The following FBXO15 variants were observed in gnomAD, a reference collection of about 807,000 sequenced individuals.
The protein encoded by FBXO15 is F-box only protein 15.
In FBXO15, 30 loss-of-function variants were observed where a neutral mutation model predicts 49.5. That is an observed-to-expected ratio of 0.61 (90% CI 0.45 to 0.82). FBXO15 has a LOEUF of 0.82. Among genes scored for constraint, FBXO15 ranks in the 40% least tolerant of loss-of-function variants. FBXO15 has a pLI of 0.00. For synonymous variants in FBXO15, 250 were observed against 232.7 expected (o/e 1.07, Z -0.68); for missense variants, 591 against 631.5 (o/e 0.94, Z 0.69).
intron 5 of FBXO15, among the ~76,000 whole-genome samples, chr18:74,126,385 G>C (rs114838156): frequency 0.016 from 2,505 of 152,262 alleles, 62 homozygotes; most frequent in African/African-American, 0.056. Flanking sequence ...GTGATGAAGT[G>C]GCAGCATTGT....
intron 8 of FBXO15, among the ~76,000 whole-genome samples, chr18:74,119,690 C>T (rs575073596): frequency 6.6e-6 from 1 of 152,230 alleles, no homozygotes; most frequent in East Asian, 1.9e-4. Flanking sequence ...CACAGAAAGC[C>T]TGATACAGTC....
intron 2 of FBXO15, among the ~76,000 whole-genome samples, chr18:74,139,330 G>A (rs1978920255): frequency 6.6e-6 from 1 of 152,202 alleles, no homozygotes; most frequent in Admixed American, 6.5e-5. Flanking sequence ...CTGCTACAGA[G>A]TAGGTCCTCA....
intron 8 of FBXO15, among the ~76,000 whole-genome samples, chr18:74,118,061 C>A (rs1380948750): frequency 6.6e-6 from 1 of 150,448 alleles, no homozygotes; most frequent in East Asian, 2.0e-4. Flanking sequence ...GGCTGGAGTG[C>A]AGGGTCACAA....
chr18:74,130,480 C>G lies in FBXO15; in HGVS notation c.511G>C (p.Ala171Pro), dbSNP rs747899337. The change falls in exon 4 of 10, where the codon GCT becomes CCT. Residue 171 changes from alanine (A) to proline (P), a missense_variant. Physicochemically the swap from Ala to Pro is conservative, Grantham distance 27. Coordinates refer to ENST00000419743, the MANE Select transcript of FBXO15 (RefSeq NM_001142958.2). The part of the protein sequence containing the change: ...KQIASVKAAL[A>P]DILKPVNPYT... ...GGGTTGACAGGTTTGAGAATGTCAG[C>G]TAGTGCGGCTTTTACAGATGCTATT... 6.2e-7 allele frequency: 1 copy of G among 1,614,180 alleles called. No homozygotes were observed. Among genetic ancestry groups the G allele is most frequent in the East Asian group, 2.2e-5 (1 of 44,886 alleles).
At chr18:74,145,717 C>T (rs1419979402) in intron 1 of FBXO15, among the ~76,000 whole-genome samples, 3 of 151,630 alleles carry the variant, frequency 2.0e-5, no homozygotes, top group Admixed American at 2.0e-4. Flanking sequence ...CCTGCCTCAG[C>T]CTCCTGAGTA....
intron 8 of FBXO15, among the ~76,000 whole-genome samples, chr18:74,109,893 G>A (rs1913933083): frequency 1.3e-5 from 2 of 151,992 alleles, no homozygotes; most frequent in Non-Finnish European, 2.9e-5. Flanking sequence ...ACGAGTTGAT[G>A]AGTGCAGCAA....
chr18:74,113,333 G>C (rs1008793780), intron 8 of FBXO15, among the ~76,000 whole-genome samples: 85 of 152,244 alleles, frequency 5.6e-4, no homozygotes, highest in African/African-American at 2.0e-3. Context: ...AGGATTTTTA[G>C]GGTAGTGAAA....
chr18:74,123,597 A>C, intron 7 of FBXO15, 87 bp from the exon 8 acceptor site: 1 of 1,408,518 alleles, frequency 7.1e-7, no homozygotes, highest in Middle Eastern at 1.9e-4. Context: ...AAAAATTACC[A>C]TCTGTATCAA....
chr18:74,140,400 T>C (rs1421033217), intron 1 of FBXO15, 88 bp from the exon 2 acceptor site: 56 of 1,188,796 alleles, frequency 4.7e-5, no homozygotes, highest in Non-Finnish European at 6.4e-5. Flanking sequence ...AAAGGATTCA[T>C]AAACTCCAAA....
At chr18:74,096,541 A>C (rs1375710193) in intron 8 of FBXO15, among the ~76,000 whole-genome samples, 1 of 152,008 alleles carries the variant, frequency 6.6e-6, no homozygotes, top group African/African-American at 2.4e-5. Context: ...AACAAAAGCC[A>C]GACAGAGAAG....
intron 1 of FBXO15, among the ~76,000 whole-genome samples, chr18:74,144,573 A>G (rs1157440688): frequency 1.3e-5 from 2 of 152,218 alleles, no homozygotes; most frequent in Non-Finnish European, 1.5e-5. Context: ...CTGGGGGTAC[A>G]GTCTGCAGCA....
intron 9 of FBXO15, among the ~76,000 whole-genome samples, chr18:74,081,296 C>A (rs140275823): frequency 3.3e-5 from 5 of 152,288 alleles, no homozygotes; most frequent in African/African-American, 2.4e-5. Context: ...CAATGAAAAT[C>A]TTGTTCATCC....
At chr18:74,127,527 A>G (rs997717027) in intron 5 of FBXO15, among the ~76,000 whole-genome samples, 3 of 152,262 alleles carry the variant, frequency 2.0e-5, no homozygotes, top group South Asian at 2.1e-4. Flanking sequence ...AAAAGACCCA[A>G]ATAAAAATCA....
At chr18:74,107,626 C>T (rs539655286) in intron 8 of FBXO15, among the ~76,000 whole-genome samples, 1 of 152,262 alleles carries the variant, frequency 6.6e-6, no homozygotes, top group East Asian at 1.9e-4. Context: ...AAATGATAAG[C>T]TGCTAGAGAC....
intron 4 of FBXO15, 129 bp downstream of exon 4, chr18:74,130,287 T>C (rs992152314): frequency 1.9e-5 from 24 of 1,288,024 alleles, no homozygotes; most frequent in Non-Finnish European, 2.6e-5. Flanking sequence ...AAATGATACA[T>C]ATTTTATAGA....
chr18:74,087,429 C>T (rs753059891), intron 8 of FBXO15, among the ~76,000 whole-genome samples: 1 of 152,058 alleles, frequency 6.6e-6, no homozygotes, highest in Non-Finnish European at 1.5e-5. Context: ...TCTGTTGTTC[C>T]CTTCTTTGTG....
At chr18:74,140,654 C>G (rs187905362) in intron 1 of FBXO15, 116 of 233,722 alleles carry the variant, frequency 5.0e-4, no homozygotes, top group Non-Finnish European at 6.2e-4. Context: ...GGAAGAAAGG[C>G]AGGGAGAAGG....
intron 9 of FBXO15, chr18:74,076,131 C>T (rs1185075510): frequency 6.6e-6 from 1 of 152,228 alleles, no homozygotes; most frequent in African/African-American, 2.4e-5. Flanking sequence ...TGTGGGCGTC[C>T]TTCTAGGGGC....
intron 9 of FBXO15, among the ~76,000 whole-genome samples, chr18:74,079,607 T>TTA (rs1555675190): frequency 6.6e-6 from 1 of 152,074 alleles, no homozygotes; most frequent in East Asian, 1.9e-4. Context: ...TTGAGTTTTT[T>TTA]AAAAAAAGAA....
Sources: gnomAD v4.1 joint callset for allele counts (sites outside exome capture counted in the v4.1 genomes callset) on GRCh38, gnomAD v4.1.1 for gene constraint, MANE v1.5 for transcripts, NCBI Gene and HGNC (gene_info 2026-07-23, HGNC 2026-07-21) for gene names.